The following GRM1 variants were observed in gnomAD, a reference collection of about 807,000 sequenced individuals.
GRM1 encodes metabotropic glutamate receptor 1.
A neutral mutation model predicts 90.9 loss-of-function variants in GRM1; 33 were observed. That is an observed-to-expected ratio of 0.36 (90% CI 0.28 to 0.49). The LOEUF (loss-of-function observed/expected upper bound fraction) is 0.49. Among genes scored for constraint, GRM1 ranks in the 20% least tolerant of loss-of-function variants. The pLI, the probability that GRM1 is intolerant of heterozygous loss-of-function variation, is 0.99. For missense variants in GRM1, 1,190 were observed against 1,534.3 expected, an observed-to-expected ratio of 0.78 and a Z score of 3.75; for synonymous variants, 700 against 613.2, an observed-to-expected ratio of 1.14 and a Z score of -2.09.
intron 2 of GRM1, among the ~76,000 whole-genome samples, chr6:146,297,790 G>A (rs1783234954): frequency 6.6e-6 from 1 of 152,112 alleles, no homozygotes; most frequent in Non-Finnish European, 1.5e-5. Context: ...CAACCTGGTT[G>A]GCATCTCAGA....
rs552367576 is a variant in GRM1, at chr6:146,305,340, T to C, written c.1186+494T>C. On this transcript the variant is annotated intron_variant, in intron 3 of 7. Transcript: ENST00000282753. ...CACTCTGATCTTTCAGTCAGAACAA[T>C]GGTTCACAGCTGGACAGATGAGCCC... 2.0e-5 allele frequency among the ~76,000 whole-genome samples: 3 copies of C among 152,202 alleles called. No homozygotes were observed. The South Asian group carries it at 6.2e-4, about 32-fold the overall frequency.
At chr6:146,203,179 G>GCC (rs1214835277) in intron 2 of GRM1, among the ~76,000 whole-genome samples, 1 of 150,596 alleles carries the variant, frequency 6.6e-6, no homozygotes, top group African/African-American at 2.4e-5. Flanking sequence ...GGGGGACAGA[G>GCC]AGACTCCGTC....
intron 2 of GRM1, among the ~76,000 whole-genome samples, chr6:146,267,649 T>C (rs1184302044): frequency 6.1e-5 from 2 of 33,030 alleles, no homozygotes; most frequent in African/African-American, 5.7e-4. Context: ...TGCGCTGGGC[T>C]GGGCTGGGCT....
At chr6:146,260,659 G>A (rs1301318957) in intron 2 of GRM1, among the ~76,000 whole-genome samples, 2 of 151,974 alleles carry the variant, frequency 1.3e-5, no homozygotes, top group Non-Finnish European at 1.5e-5. Context: ...ATCCTAAAAC[G>A]TGTGAAGTTG....
intron 2 of GRM1, among the ~76,000 whole-genome samples, chr6:146,241,969 G>A (rs1423285497): frequency 2.0e-5 from 3 of 152,116 alleles, no homozygotes; most frequent in Non-Finnish European, 4.4e-5. Context: ...TAAAAGTTTA[G>A]TTATGAAGTA....
At chr6:146,074,971 C>CTT (rs1320049692) in intron 1 of GRM1, among the ~76,000 whole-genome samples, 2 of 152,122 alleles carry the variant, frequency 1.3e-5, no homozygotes, top group Non-Finnish European at 2.9e-5. Context: ...TTACAATTTG[C>CTT]TTTTCTATGC....
intron 4 of GRM1, among the ~76,000 whole-genome samples, chr6:146,355,725 TA>T (rs1785559380): frequency 6.6e-6 from 1 of 152,094 alleles, no homozygotes; most frequent in South Asian, 2.1e-4. Context: ...GATGCCAACT[TA>T]GTTTGATTGG....
chr6:146,280,491 G>A (rs1330977439), intron 2 of GRM1, among the ~76,000 whole-genome samples: 5 of 152,132 alleles, frequency 3.3e-5, no homozygotes, highest in African/African-American at 1.2e-4. Context: ...TGGATTAATA[G>A]TTGAATCCCT....
chr6:146,061,701 C>T (rs992684960), intron 1 of GRM1, among the ~76,000 whole-genome samples: 1 of 151,444 alleles, frequency 6.6e-6, no homozygotes, highest in Non-Finnish European at 1.5e-5. Context: ...ATGCAGCCAA[C>T]AAACATGTGA....
At chr6:146,059,852 C>T (rs1190720375) in intron 1 of GRM1, among the ~76,000 whole-genome samples, 2 of 152,144 alleles carry the variant, frequency 1.3e-5, no homozygotes, top group African/African-American at 4.8e-5. Context: ...TCAAACTTTT[C>T]TGCAGAATCT....
intron 1 of GRM1, among the ~76,000 whole-genome samples, chr6:146,120,548 A>C (rs1318356036): frequency 3.2e-4 from 49 of 152,094 alleles, no homozygotes; most frequent in Admixed American, 1.1e-3. Flanking sequence ...AGTTTTTGCC[A>C]ATTCAGTATG....
intron 7 of GRM1, chr6:146,426,593 T>C: frequency 6.2e-7 from 1 of 1,611,708 alleles, no homozygotes; most frequent in Non-Finnish European, 8.5e-7. Context: ...CACCAGCCAA[T>C]GTCCGTCGGC....
At chr6:146,027,900 C>T (rs1355759432), upstream of GRM1, 1 of 152,478 alleles carries the variant, frequency 6.6e-6, no homozygotes, top group African/African-American at 2.4e-5. Context: ...AGATTTTCCT[C>T]CGGGTCCCAG....
intron 7 of GRM1, among the ~76,000 whole-genome samples, chr6:146,427,979 T>C (rs1448633610): frequency 2.6e-5 from 4 of 152,218 alleles, no homozygotes; most frequent in Non-Finnish European, 5.9e-5. Flanking sequence ...TGACATTTTG[T>C]AACTAAAAGG....
At chr6:146,155,698 G>T (rs1054671201) in intron 1 of GRM1, among the ~76,000 whole-genome samples, 1 of 152,198 alleles carries the variant, frequency 6.6e-6, no homozygotes, top group African/African-American at 2.4e-5. Context: ...ATGAGTTTGG[G>T]GTATTCCCCC....
rs1314076877 is a variant in GRM1, at chr6:146,366,711, T to C, written c.1602+9017T>C. ...CATTTGTATATCTTCTTTTGAGATA[T>C]GTCTAGGTTTTTTTCCCCATTTTTA... On this transcript the variant is annotated intron_variant, in intron 5 of 7. Coordinates refer to ENST00000282753, the MANE Select transcript of GRM1 (RefSeq NM_001278064.2). Among the ~76,000 whole-genome samples the C allele has an allele frequency of 2.0e-5, 3 of 152,212 alleles. No individual in the cohort carries two copies. The East Asian group carries it at 5.8e-4, about 29-fold the overall frequency.
chr6:146,286,207 T>C (rs944197878), intron 2 of GRM1, among the ~76,000 whole-genome samples: 1 of 152,144 alleles, frequency 6.6e-6, no homozygotes, highest in Non-Finnish European at 1.5e-5. Flanking sequence ...ATAAAAGTCA[T>C]TACTGACACC....
chr6:146,193,473 G>A (rs953965709), intron 2 of GRM1, among the ~76,000 whole-genome samples: 20 of 152,066 alleles, frequency 1.3e-4, no homozygotes, highest in Non-Finnish European at 2.4e-4. Context: ...TCCTAAAGCC[G>A]AGTGAAAAAA....
At chr6:146,223,081 G>C (rs1780126059) in intron 2 of GRM1, among the ~76,000 whole-genome samples, 1 of 152,028 alleles carries the variant, frequency 6.6e-6, no homozygotes, top group South Asian at 2.1e-4. Flanking sequence ...AAAGCCAGCT[G>C]TAAGCAACAT....
Sources: gnomAD v4.1 joint callset for allele counts (sites outside exome capture counted in the v4.1 genomes callset) on GRCh38, gnomAD v4.1.1 for gene constraint, MANE v1.5 for transcripts, NCBI Gene and HGNC (gene_info 2026-07-23, HGNC 2026-07-21) for gene names.